The following DMBT1 variants were observed in gnomAD, a reference collection of about 807,000 sequenced individuals.
DMBT1 encodes the protein deleted in malignant brain tumors 1, also known as scavenger receptor cysteine-rich domain-containing protein DMBT1.
A neutral mutation model predicts 252.9 loss-of-function variants in DMBT1; 198 were observed. The ratio of observed to expected loss-of-function variants is 0.78; its 90% CI spans 0.70 to 0.88. DMBT1 has a LOEUF of 0.88. Among genes scored for constraint, DMBT1 ranks in the 40% least tolerant of loss-of-function variants. The probability of loss-of-function intolerance (pLI) is 0.00; values close to 1 mark genes in which losing one functional copy is unlikely to be tolerated. For missense variants in DMBT1, 2,432 were observed against 2,404.7 expected, an observed-to-expected ratio of 1.01 and a Z score of -0.24; for synonymous variants, 990 against 942.7, an observed-to-expected ratio of 1.05 and a Z score of -0.92.
At chr10:122,563,914 G>A (rs2097569035) in intron 1 of DMBT1, among the ~76,000 whole-genome samples, 1 of 152,288 alleles carries the variant, frequency 6.6e-6, no homozygotes, top group African/African-American at 2.4e-5. Context: ...TGTTTAAATG[G>A]CCGAGTTTTG....
At chr10:122,569,605 TG>T (rs1389354675) in intron 2 of DMBT1, among the ~76,000 whole-genome samples, 1 of 152,240 alleles carries the variant, frequency 6.6e-6, no homozygotes, top group Non-Finnish European at 1.5e-5. Context: ...CCGTATGGAC[TG>T]GACTGAGCCC....
Position 122,585,655 on chromosome 10 carries a change from G to C in DMBT1, c.1459+346G>C, listed in dbSNP as rs531002327. Among the ~76,000 whole-genome samples the C allele has an allele frequency of 3.0e-4, 44 of 148,654 alleles. 4 individuals carry two copies. The highest frequency in any genetic ancestry group is 1.7e-3 in the Admixed American group (25 of 14,998). On this transcript the variant is annotated intron_variant, in intron 15 of 55. Transcript: ENST00000338354. ...AGGTGTGAAGAGTCAGTGAAAGTGAGTGTCCCCACACCTGTCTGGCCAAGG... is the reference window on the plus strand; with the variant it reads ...AGGTGTGAAGAGTCAGTGAAAGTGACTGTCCCCACACCTGTCTGGCCAAGG...
At chr10:122,573,621 T>C in intron 5 of DMBT1, 94 bp from the exon 6 acceptor site, 1 of 1,475,756 alleles carries the variant, frequency 6.8e-7, no homozygotes, top group Non-Finnish European at 9.5e-7. Context: ...GGACCTGTGC[T>C]TCCAGCCCTT....
At chr10:122,599,761 T>A (rs1489243403) in intron 26 of DMBT1, among the ~76,000 whole-genome samples, 1 of 152,180 alleles carries the variant, frequency 6.6e-6, no homozygotes, top group South Asian at 2.1e-4. Flanking sequence ...CTGGAGTGGC[T>A]TCCTCAGCCT....
intron 27 of DMBT1, among the ~76,000 whole-genome samples, chr10:122,600,626 TC>T (rs2097941811): frequency 6.6e-6 from 1 of 152,176 alleles, no homozygotes; most frequent in Admixed American, 6.5e-5. Context: ...TTCCTGATTG[TC>T]CCCTGGGCAG....
rs147116689 is a variant in DMBT1 at position 122,588,442 on chromosome 10, C to G, written c.1784-502C>G. ...CCTCATCCAGGTGCTGAGGACAAGC[C>G]CTGGAGGGCTCCCTACTCCTATTCG... On this transcript the variant is annotated intron_variant, in intron 16 of 55. Transcript: ENST00000338354. Among the ~76,000 whole-genome samples, 792 of 148,650 alleles carry G rather than the reference C, an allele frequency of 5.3e-3. 31 individuals are homozygous for G. The highest frequency in any genetic ancestry group is 0.018 in the African/African-American group (762 of 41,226).
At chr10:122,632,932 T>A in intron 51 of DMBT1, 42 bp downstream of exon 51, 2 of 1,612,564 alleles carry the variant, frequency 1.2e-6, no homozygotes, top group Non-Finnish European at 1.7e-6. Context: ...CAGAGTGGCC[T>A]GGAAATTCCC....
intron 27 of DMBT1, 106 bp from the exon 28 acceptor site, chr10:122,600,885 G>A (rs951473647): frequency 4.6e-6 from 3 of 646,964 alleles, no homozygotes; most frequent in East Asian, 5.4e-5. Context: ...GGCAGGAACA[G>A]GAAGTGGAAT....
At chr10:122,565,678 T>C (rs1203075826) in intron 1 of DMBT1, among the ~76,000 whole-genome samples, 3 of 152,240 alleles carry the variant, frequency 2.0e-5, no homozygotes, top group Non-Finnish European at 4.4e-5. Flanking sequence ...CCAGCCCTTC[T>C]TTCCAAGCAT....
intron 54 of DMBT1, 51 bp downstream of exon 54, chr10:122,637,363 G>A (rs1250719060): frequency 6.6e-7 from 1 of 1,522,376 alleles, no homozygotes; most frequent in Non-Finnish European, 8.9e-7. Context: ...CTTTCTTAGA[G>A]CGGTATGTCC....
chr10:122,586,348 G>C lies in DMBT1; in HGVS notation c.1748G>C (p.Cys583Ser). ...CPHNGWLSHN[C>S]GHSEDAGVIC... ...CACAATGGCTGGCTCTCCCATAACT[G>C]TGGCCATAGTGAAGACGCTGGTGTC... Residue 583 changes from cysteine to serine, a missense_variant, in exon 16 of 56, where the codon TGT (cysteine) becomes TCT (serine). This residue lies in a region of DMBT1 where 1,264 missense variants were observed against 1,082.2 expected (regional missense o/e 1.17). Transcript: ENST00000338354. 1 of 1,588,648 alleles carries C rather than the reference G, an allele frequency of 6.3e-7. No individual in the cohort carries two copies. The highest frequency in any genetic ancestry group is 8.6e-7 in the Non-Finnish European group (1 of 1,165,838).
At chr10:122,598,148 A>G (rs1434228526) in intron 25 of DMBT1, 136 bp downstream of exon 25, 19 of 1,352,422 alleles carry the variant, frequency 1.4e-5, no homozygotes, top group Admixed American at 3.7e-5. Context: ...GGAGGAAGGT[A>G]GCGTCTCTGG....
At chr10:122,587,056 A>G (rs1310329186) in intron 16 of DMBT1, among the ~76,000 whole-genome samples, 5 of 148,540 alleles carry the variant, frequency 3.4e-5, no homozygotes, top group Non-Finnish European at 7.5e-5. Flanking sequence ...TTCATGACCC[A>G]GACATGGCAC....
rs370648949 is a variant in DMBT1 at position 122,631,234 on chromosome 10, T to C, written c.6299T>C (p.Phe2100Ser). Reference sequence around the variant, plus strand: ...TGGCAGTGCCGGAACCGAGGCTGGTTCTCCCACAACTGTAATCATCGTGAA... The same window carrying C: ...TGGCAGTGCCGGAACCGAGGCTGGTCCTCCCACAACTGTAATCATCGTGAA... ...TLWQCRNRGW[F>S]SHNCNHREDA... Residue 2100 changes from phenylalanine (F) to serine (S), a missense_variant, in exon 49 of 56, where the codon TTC (phenylalanine) becomes TCC (serine). By Grantham distance (155) the Phe-to-Ser change is radical. This residue lies in a region of DMBT1 where 1,162 missense variants were observed against 1,169.0 expected (regional missense o/e 0.99). Coordinates refer to ENST00000338354, the MANE Select transcript of DMBT1 (RefSeq NM_001377530.1). 1.4e-5 allele frequency: 22 copies of C among 1,613,868 alleles called. No homozygotes were observed. Among genetic ancestry groups the C allele is most frequent in the Middle Eastern group, 3.3e-4 (2 of 6,084 alleles).
At chr10:122,638,682 T>G (rs987455546) in intron 54 of DMBT1, among the ~76,000 whole-genome samples, 1 of 152,216 alleles carries the variant, frequency 6.6e-6, no homozygotes, top group Non-Finnish European at 1.5e-5. Flanking sequence ...TGAGCTCAAG[T>G]GATCCTCCTG....
chr10:122,563,229 T>C (rs113572160), intron 1 of DMBT1, among the ~76,000 whole-genome samples: 2,493 of 152,340 alleles, frequency 0.016, 28 homozygotes, highest in Middle Eastern at 0.031. Context: ...GCCACTTGCC[T>C]GCTGTGGATC....
chr10:122,618,929 T>C (rs1334887067), intron 41 of DMBT1, among the ~76,000 whole-genome samples: 3 of 152,254 alleles, frequency 2.0e-5, no homozygotes, highest in African/African-American at 7.2e-5. Flanking sequence ...CCCATGAGTC[T>C]GGCCAGGCAT....
chr10:122,642,537 G>T (rs1479017944), intron 55 of DMBT1, among the ~76,000 whole-genome samples: 4 of 152,196 alleles, frequency 2.6e-5, no homozygotes, highest in African/African-American at 4.8e-5. Context: ...TGAGGAGGGG[G>T]TTTATATCGG....
chr10:122,617,135 T>C, intron 39 of DMBT1, 93 bp from the exon 40 acceptor site: 1 of 1,378,258 alleles, frequency 7.3e-7, no homozygotes, highest in Non-Finnish European at 1.0e-6. Context: ...GTGGAATTGT[T>C]GCCAGGTTGA....
Sources: allele counts gnomAD v4.1 joint callset (sites outside exome capture counted in the v4.1 genomes callset), GRCh38; gene constraint gnomAD v4.1.1; regional missense constraint gnomAD v4.1.1; transcripts MANE v1.5; gene names NCBI Gene and HGNC (gene_info 2026-07-23, HGNC 2026-07-21).